The following CREB3L2 variants were observed in gnomAD, a reference collection of about 807,000 sequenced individuals.
CREB3L2 encodes cAMP responsive element binding protein 3 like 2, also known as cyclic AMP-responsive element-binding protein 3-like protein 2.
A neutral mutation model predicts 57.2 loss-of-function variants in CREB3L2; 23 were observed. The ratio of observed to expected loss-of-function variants is 0.40; its 90% CI spans 0.29 to 0.57. The LOEUF is 0.57. CREB3L2 is among the 20% of genes least tolerant of loss of function. The pLI is 0.42. For synonymous variants in CREB3L2, 268 were observed against 265.1 expected, an observed-to-expected ratio of 1.01 and a Z score of -0.11; for missense variants, 628 against 634.7, an observed-to-expected ratio of 0.99 and a Z score of 0.11.
In CREB3L2 at chr7:137,915,993, T is replaced by C. The variant is rs143530987; in HGVS notation, c.339A>G (p.Lys113=). The change falls in exon 3 of 12, where the codon AAA becomes AAG. Residue 113 remains lysine, a synonymous_variant. Coordinates refer to ENST00000330387, the MANE Select transcript of CREB3L2 (RefSeq NM_194071.4). ...AAGGGAAGTCTGTAGACAGGTACCATTTCTCACTTTCCACCTCATCTGCAG... is the reference window on the plus strand; with the variant it reads ...AAGGGAAGTCTGTAGACAGGTACCACTTCTCACTTTCCACCTCATCTGCAG... ...SFNDDEVESE[K]WYLSTDFPST... is the part of the protein sequence containing the mutation. 6.2e-7 allele frequency: 1 copy of C among 1,613,054 alleles called. No homozygotes were observed. Among genetic ancestry groups the C allele is most frequent in the Non-Finnish European group, 8.5e-7 (1 of 1,179,600 alleles).
chr7:137,915,522 TA>T (rs1241535812), intron 3 of CREB3L2, among the ~76,000 whole-genome samples: 1 of 152,096 alleles, frequency 6.6e-6, no homozygotes, highest in East Asian at 1.9e-4. Context: ...TTCCACTGCT[TA>T]AAAATCAGTG....
chr7:137,925,618 G>A (rs755738404), intron 2 of CREB3L2, among the ~76,000 whole-genome samples: 2 of 152,062 alleles, frequency 1.3e-5, no homozygotes, highest in African/African-American at 2.4e-5. Context: ...CCTACAGATC[G>A]CCACCTTAAG....
intron 8 of CREB3L2, among the ~76,000 whole-genome samples, chr7:137,890,261 G>A (rs1799505717): frequency 6.6e-6 from 1 of 152,192 alleles, no homozygotes; most frequent in Non-Finnish European, 1.5e-5. Context: ...ATTTTCTCTG[G>A]ATACATCAAA....
intron 1 of CREB3L2, among the ~76,000 whole-genome samples, chr7:137,946,254 G>C (rs1396844706): frequency 6.6e-6 from 1 of 152,098 alleles, no homozygotes; most frequent in Non-Finnish European, 1.5e-5. Flanking sequence ...AGGCAATTTT[G>C]CAGGTGTCTT....
At position 137,876,347 on chromosome 7, in the gene CREB3L2, TG is replaced by T. The variant is rs1799153362; in HGVS notation, c.*4128del. ...GAATGTGCACGTGTGTGTGTGTGTG[TG>T]TGTGTGTGTGTGTGTGTGTGTCAGA... On this transcript the variant is annotated 3_prime_UTR_variant, in exon 12 of 12. Coordinates refer to ENST00000330387, the MANE Select transcript of CREB3L2 (RefSeq NM_194071.4). 1 of 232,684 alleles carries T rather than the reference TG, an allele frequency of 4.3e-6. No individual in the cohort carries two copies. Among genetic ancestry groups the T allele is most frequent in the Non-Finnish European group, 8.5e-6 (1 of 118,092 alleles). The allele number at this position is 232,684 out of a possible 1,614,324, so 14.4% of individuals were successfully genotyped here. A position where few individuals can be genotyped will look rare whatever the true frequency, so the allele number is the denominator to read the frequency against.
chr7:137,982,953 G>A (rs756249047), intron 1 of CREB3L2, among the ~76,000 whole-genome samples: 1 of 152,162 alleles, frequency 6.6e-6, no homozygotes, highest in Non-Finnish European at 1.5e-5. Context: ...ATGGCCATCT[G>A]CAAGCCAGGA....
chr7:137,905,527 G>A (rs528691683), intron 6 of CREB3L2, among the ~76,000 whole-genome samples, 175 bp downstream of exon 6: 31 of 152,076 alleles, frequency 2.0e-4, no homozygotes, highest in South Asian at 1.7e-3. Flanking sequence ...TGGGCTGGAG[G>A]AAGAGAGGGG....
chr7:137,983,989 C>T (rs1162946539), intron 1 of CREB3L2, among the ~76,000 whole-genome samples: 1 of 152,194 alleles, frequency 6.6e-6, no homozygotes, highest in Non-Finnish European at 1.5e-5. Flanking sequence ...ATTCCAGGCA[C>T]AGTTTGGGGA....
At chr7:137,957,266 C>T (rs1373842873) in intron 1 of CREB3L2, among the ~76,000 whole-genome samples, 2 of 152,194 alleles carry the variant, frequency 1.3e-5, no homozygotes, top group East Asian at 1.9e-4. Context: ...ACTAGGCACC[C>T]AAAGTGCACT....
chr7:137,909,022 C>T (rs1799952216), intron 4 of CREB3L2, among the ~76,000 whole-genome samples: 1 of 152,158 alleles, frequency 6.6e-6, no homozygotes, highest in Non-Finnish European at 1.5e-5. Context: ...ATTGCTTGAA[C>T]CCAGGAGTTA....
At chr7:138,000,245 T>C (rs966600319) in intron 1 of CREB3L2, among the ~76,000 whole-genome samples, 1 of 152,258 alleles carries the variant, frequency 6.6e-6, no homozygotes, top group African/African-American at 2.4e-5. Flanking sequence ...TAGAAACTCC[T>C]GGAGCACCCA....
rs1389865822 is a variant in CREB3L2 at position 137,957,718 on chromosome 7, G to C, written c.103-29352C>G. On this transcript the variant is annotated intron_variant, in intron 1 of 11. Transcript: ENST00000330387. The stretch of plus-strand genomic sequence containing the variant: ...CCTACTCCTTCCACTCAATTTACAG[G>C]CTTCACAAGTTTTCTTCAAAGAACG... The C allele has an allele frequency of 2.4e-6, 3 of 1,260,740 alleles. No homozygotes were observed. The Admixed American group carries it at 6.9e-5, about 29-fold the overall frequency. The allele number at this position is 1,260,740 out of a possible 1,614,324, so 78.1% of individuals were successfully genotyped here.
In CREB3L2 at chr7:137,876,980, G is replaced by T; in HGVS notation, c.*3496C>A. 1 of 231,316 alleles carries T rather than the reference G, an allele frequency of 4.3e-6. No individual in the cohort carries two copies. Among genetic ancestry groups the T allele is most frequent in the Non-Finnish European group, 8.6e-6 (1 of 116,836 alleles). The allele number at this position is 231,316 out of a possible 1,614,324, so 14.3% of individuals were successfully genotyped here. ...TGGGCAGAGGAGCTGGCCTGGAGAG[G>T]CCTCTAATTCTGCCTCTACGCTTTT... is the stretch of plus-strand genomic sequence containing the variant. On this transcript the variant is annotated 3_prime_UTR_variant, in exon 12 of 12. Coordinates refer to ENST00000330387, the MANE Select transcript of CREB3L2 (RefSeq NM_194071.4).
chr7:137,946,236 A>G (rs573219100), intron 1 of CREB3L2, among the ~76,000 whole-genome samples: 8 of 152,156 alleles, frequency 5.3e-5, no homozygotes, highest in African/African-American at 1.7e-4. Context: ...GCTGGGTTAC[A>G]ATGGTGAAGG....
chr7:137,965,194 C>A (rs1001268166), intron 1 of CREB3L2, among the ~76,000 whole-genome samples: 6 of 152,192 alleles, frequency 3.9e-5, no homozygotes, highest in African/African-American at 1.4e-4. Context: ...GATCAAGGGA[C>A]AGGATAGTGC....
intron 1 of CREB3L2, among the ~76,000 whole-genome samples, chr7:137,938,499 C>T (rs1383949320): frequency 3.9e-5 from 6 of 152,008 alleles, no homozygotes; most frequent in African/African-American, 1.2e-4. Context: ...GTTCCCGCCA[C>T]CACGCCCAGC....
intron 1 of CREB3L2, among the ~76,000 whole-genome samples, chr7:137,966,552 A>T (rs1451458411): frequency 2.0e-5 from 3 of 152,236 alleles, no homozygotes; most frequent in African/African-American, 7.2e-5. Flanking sequence ...AAAGAAGAAG[A>T]TTACCTCACT....
chr7:137,884,941 C>T, intron 10 of CREB3L2, 54 bp downstream of exon 10: 2 of 1,609,552 alleles, frequency 1.2e-6, no homozygotes, highest in Non-Finnish European at 1.7e-6. Context: ...CTGAGAAACC[C>T]AGCTCTAGGG....
At chr7:137,932,225 T>C (rs2117246903) in intron 1 of CREB3L2, among the ~76,000 whole-genome samples, 1 of 152,346 alleles carries the variant, frequency 6.6e-6, no homozygotes, top group South Asian at 2.1e-4. Context: ...TGAATTCTAT[T>C]CCATTGTATT....
Sources: allele counts gnomAD v4.1 joint callset (sites outside exome capture counted in the v4.1 genomes callset), GRCh38; gene constraint gnomAD v4.1.1; transcripts MANE v1.5; gene names NCBI Gene and HGNC (gene_info 2026-07-23, HGNC 2026-07-21).